The following DGKB variants were observed in gnomAD, a reference collection of about 807,000 sequenced individuals.
DGKB encodes the protein diacylglycerol kinase beta, also known as 90 kDa diacylglycerol kinase.
Under a neutral mutation model 114.3 loss-of-function variants are expected in DGKB, and 67 were observed. The observed-to-expected ratio is 0.59, with a 90% CI of 0.48 to 0.72. DGKB has a LOEUF of 0.72. Ranked by LOEUF, DGKB falls within the 30% of genes least tolerant of loss-of-function variation. The pLI, the probability that DGKB is intolerant of heterozygous loss-of-function variation, is 0.00. For missense variants in DGKB, 907 were observed against 975.2 expected (o/e 0.93, Z 0.93); for synonymous variants, 398 against 323.1 (o/e 1.23, Z -2.49).
chr7:14,775,460 G>GAAAGT (rs1838016221), intron 2 of DGKB, among the ~76,000 whole-genome samples: 1 of 149,218 alleles, frequency 6.7e-6, no homozygotes, highest in Non-Finnish European at 1.5e-5. Flanking sequence ...TTTTGCCATT[G>GAAAGT]AAAGTGAAGG....
intron 4 of DGKB, among the ~76,000 whole-genome samples, chr7:14,751,984 T>A (rs1834192309): frequency 6.6e-6 from 1 of 152,168 alleles, no homozygotes; most frequent in Non-Finnish European, 1.5e-5. Context: ...AGCTATTTAT[T>A]ATACATACAT....
intron 1 of DGKB, among the ~76,000 whole-genome samples, chr7:14,967,502 G>A (rs1787222411): frequency 6.6e-6 from 1 of 151,540 alleles, no homozygotes; most frequent in African/African-American, 2.4e-5. Context: ...TGTATTTTTA[G>A]TAGAGACGAG....
At chr7:14,518,358 G>A (rs975848133) in intron 20 of DGKB, among the ~76,000 whole-genome samples, 2 of 151,866 alleles carry the variant, frequency 1.3e-5, no homozygotes, top group Admixed American at 6.6e-5. Context: ...TACCTATTGG[G>A]TACTGTGCTT....
At chr7:14,190,296 G>A (rs868237185) in intron 23 of DGKB, among the ~76,000 whole-genome samples, 3 of 151,966 alleles carry the variant, frequency 2.0e-5, no homozygotes, top group African/African-American at 7.3e-5. Flanking sequence ...ATAACCAATG[G>A]GTCAGTGAGT....
intron 7 of DGKB, among the ~76,000 whole-genome samples, chr7:14,698,545 C>CATTTGAGGACAACTGAGAAGTCTATGGAA (rs1563946736): frequency 8.6e-5 from 13 of 151,834 alleles, no homozygotes; most frequent in Non-Finnish European, 1.9e-4. Context: ...AAAGGGTGGA[C>CATTTGAGGACAACTGAGAAGTCTATGGAA]AAATCATTTG....
At chr7:14,464,381 GAATTA>G (rs1362318752) in intron 21 of DGKB, among the ~76,000 whole-genome samples, 1 of 152,010 alleles carries the variant, frequency 6.6e-6, no homozygotes, top group Non-Finnish European at 1.5e-5. Context: ...AAAGCAAAAT[GAATTA>G]AATAAGACAA....
At chr7:14,215,111 G>A (rs542487888) in intron 23 of DGKB, among the ~76,000 whole-genome samples, 3 of 152,294 alleles carry the variant, frequency 2.0e-5, no homozygotes, top group Admixed American at 6.5e-5. Flanking sequence ...GATTATGACC[G>A]GAGGCAGCAG....
At chr7:14,574,586 C>CT (rs1798846171) in intron 19 of DGKB, among the ~76,000 whole-genome samples, 1 of 152,128 alleles carries the variant, frequency 6.6e-6, no homozygotes, top group Admixed American at 6.6e-5. Context: ...CTGTATTTCT[C>CT]TTTTTGTGGT....
chr7:14,607,060 T>C (rs1055903887), intron 17 of DGKB, among the ~76,000 whole-genome samples: 4 of 151,954 alleles, frequency 2.6e-5, no homozygotes, highest in African/African-American at 9.7e-5. Context: ...TCTCTTTACT[T>C]TTAGCAGATA....
chr7:14,170,003 A>G (rs111898693), intron 25 of DGKB, among the ~76,000 whole-genome samples: 3,246 of 151,590 alleles, frequency 0.021, 57 homozygotes, highest in Admixed American at 0.029. Context: ...GTGTGGTGGC[A>G]CATGCCTGTA....
intron 5 of DGKB, among the ~76,000 whole-genome samples, chr7:14,719,622 T>C (rs1409792414): frequency 6.6e-6 from 1 of 152,108 alleles, no homozygotes; most frequent in Admixed American, 6.6e-5. Flanking sequence ...AACACAGTTC[T>C]AGAACCCTGT....
intron 20 of DGKB, among the ~76,000 whole-genome samples, chr7:14,502,495 A>G (rs1786357773): frequency 1.3e-5 from 2 of 152,074 alleles, no homozygotes; most frequent in Non-Finnish European, 2.9e-5. Context: ...CATGTTACAC[A>G]ATATACAACT....
intron 23 of DGKB, among the ~76,000 whole-genome samples, chr7:14,195,031 A>G (rs1784826477): frequency 6.6e-6 from 1 of 152,154 alleles, no homozygotes; most frequent in East Asian, 1.9e-4. Flanking sequence ...AAAGAGTTTA[A>G]AGACTTCCCA....
At position 14,296,570 on chromosome 7, in the gene DGKB, G is replaced by A. The variant is rs183764216; in HGVS notation, c.2122+41945C>T. Among the ~76,000 whole-genome samples the A allele has an allele frequency of 1.9e-4, 29 of 152,056 alleles. No individual in the cohort carries two copies. The East Asian group carries it at 5.4e-3, about 28-fold the overall frequency. ...GTATTTCTGGCTCTAGATCCCTGAGGAATTGCCAAACATGAGAAAGCAGGA... is the reference window on the plus strand; with the variant it reads ...GTATTTCTGGCTCTAGATCCCTGAGAAATTGCCAAACATGAGAAAGCAGGA... On this transcript the variant is annotated intron_variant, in intron 23 of 25. Coordinates refer to ENST00000402815, the MANE Select transcript of DGKB (RefSeq NM_001350709.2).
At chr7:14,220,966 TG>T (rs1371835197) in intron 23 of DGKB, among the ~76,000 whole-genome samples, 1 of 151,376 alleles carries the variant, frequency 6.6e-6, no homozygotes, top group East Asian at 1.9e-4. Context: ...TTTCATTTTT[TG>T]TTGTGTTGCA....
intron 19 of DGKB, among the ~76,000 whole-genome samples, chr7:14,580,325 C>T (rs1799741505): frequency 6.6e-6 from 1 of 152,134 alleles, no homozygotes; most frequent in Non-Finnish European, 1.5e-5. Flanking sequence ...AGTGTAAGGT[C>T]TCACATATGA....
At chr7:14,391,367 G>C (rs1821275468) in intron 21 of DGKB, among the ~76,000 whole-genome samples, 1 of 151,992 alleles carries the variant, frequency 6.6e-6, no homozygotes, top group Non-Finnish European at 1.5e-5. Flanking sequence ...TTCTTCCCAG[G>C]AGGAGATAAA....
At chr7:14,827,278 T>C (rs1384400125) in intron 2 of DGKB, among the ~76,000 whole-genome samples, 4 of 152,144 alleles carry the variant, frequency 2.6e-5, no homozygotes, top group Non-Finnish European at 5.9e-5. Context: ...AACAACTAGA[T>C]AAGGCATTAC....
chr7:14,462,901 C>G (rs536806405), intron 21 of DGKB, among the ~76,000 whole-genome samples: 1 of 152,052 alleles, frequency 6.6e-6, no homozygotes, highest in Admixed American at 6.5e-5. Context: ...GATATATAAA[C>G]CAATGGAACA....
Sources: gnomAD v4.1 joint callset for allele counts (sites outside exome capture counted in the v4.1 genomes callset) on GRCh38, gnomAD v4.1.1 for gene constraint, MANE v1.5 for transcripts, NCBI Gene and HGNC (gene_info 2026-07-23, HGNC 2026-07-21) for gene names.